Variants in MEI1 observed in about 807,000 individuals in gnomAD.
MEI1 encodes the protein meiosis inhibitor protein 1.
Under a neutral mutation model 146.2 loss-of-function variants are expected in MEI1, and 103 were observed. That is an observed-to-expected ratio of 0.70 (90% CI 0.60 to 0.83). MEI1 has a LOEUF of 0.83. Ranked by LOEUF, MEI1 falls within the 40% of genes least tolerant of loss-of-function variation. MEI1 has a pLI of 0.00. For synonymous variants in MEI1, 652 were observed against 628.2 expected, an observed-to-expected ratio of 1.04 and a Z score of -0.57; for missense variants, 1,529 against 1,533.0, an observed-to-expected ratio of 1.00 and a Z score of 0.04.
chr22:41,751,772 T>TAAAAA (rs35211694), intron 15 of MEI1, among the ~76,000 whole-genome samples: 1 of 119,422 alleles, frequency 8.4e-6, no homozygotes, highest in Admixed American at 9.2e-5. Flanking sequence ...AACTCCATCT[T>TAAAAA]AAAAAAAAAA....
In MEI1 at chr22:41,781,676, C is replaced by T. The variant is rs1275621810; in HGVS notation, c.2927-9C>T. ...CTCCTGTGGGCCCTGCCTTGCCCAC[C>T]CCCGACAGCTGCTGCAGTGCTCCTG... is the stretch of plus-strand genomic sequence containing the variant. On this transcript the variant is annotated splice_polypyrimidine_tract_variant and intron_variant, in intron 23 of 30. Transcript: ENST00000401548. 6.2e-7 allele frequency: 1 copy of T among 1,611,624 alleles called. No homozygotes were observed.
Position 41,717,680 on chromosome 22 carries a change from A to T in MEI1, c.530-391A>T, listed in dbSNP as rs193225973. ...GCCTAGGCTGGAGTGTGGTGGCATG[A>T]TCTCGGCTCACTGCAACCTCTGCCT... On this transcript the variant is annotated intron_variant, in intron 5 of 30. Coordinates refer to ENST00000401548, the MANE Select transcript of MEI1 (RefSeq NM_152513.4). Among the ~76,000 whole-genome samples, 220 of 142,608 alleles carry T rather than the reference A, an allele frequency of 1.5e-3. 1 individual carries two copies. Among genetic ancestry groups the T allele is most frequent in the African/African-American group, 5.8e-3 (217 of 37,374 alleles). 93.6% of individuals were successfully genotyped at this position (142,608 alleles called of 152,430 possible).
At chr22:41,777,479 C>T (rs182028545) in intron 21 of MEI1, among the ~76,000 whole-genome samples, 228 of 152,080 alleles carry the variant, frequency 1.5e-3, no homozygotes, top group African/African-American at 5.0e-3. Context: ...CTAAGCAAAG[C>T]GAAAGGCAAT....
intron 19 of MEI1, among the ~76,000 whole-genome samples, chr22:41,769,906 G>A (rs2075074643): frequency 1.3e-5 from 2 of 151,594 alleles, no homozygotes; most frequent in Admixed American, 6.6e-5. Context: ...AGGCCAAGGC[G>A]GGCAGATCAC....
At chr22:41,799,175 T>C in intron 30 of MEI1, 79 bp from the exon 31 acceptor site, 2 of 1,365,886 alleles carry the variant, frequency 1.5e-6, no homozygotes, top group Non-Finnish European at 2.1e-6. Flanking sequence ...CATTCTTGAC[T>C]GTTTTGGGCT....
chr22:41,767,184 G>A (rs913255522), intron 19 of MEI1, among the ~76,000 whole-genome samples: 4 of 152,184 alleles, frequency 2.6e-5, no homozygotes, highest in African/African-American at 9.7e-5. Flanking sequence ...TGTCTCTGAT[G>A]TCACCTTCTT....
At chr22:41,768,735 A>G (rs1217203062) in intron 19 of MEI1, among the ~76,000 whole-genome samples, 1 of 152,094 alleles carries the variant, frequency 6.6e-6, no homozygotes, top group Admixed American at 6.6e-5. Flanking sequence ...GCTCATGAGA[A>G]TTCACTCAGT....
chr22:41,769,379 G>C (rs967257128), intron 19 of MEI1, among the ~76,000 whole-genome samples: 1 of 151,984 alleles, frequency 6.6e-6, no homozygotes, highest in Non-Finnish European at 1.5e-5. Context: ...AATGAAGTTG[G>C]ACTCTTAACT....
chr22:41,765,977 G>A (rs1377148854), intron 19 of MEI1, among the ~76,000 whole-genome samples: 2 of 136,024 alleles, frequency 1.5e-5, no homozygotes, highest in Non-Finnish European at 3.1e-5. Flanking sequence ...TGCAACCTCC[G>A]CCTCCCGGGT....
chr22:41,754,504 G>A (rs754627022), intron 17 of MEI1, among the ~76,000 whole-genome samples: 1 of 152,052 alleles, frequency 6.6e-6, no homozygotes, highest in Non-Finnish European at 1.5e-5. Context: ...CATGATCTCA[G>A]CTCACTGCAA....
intron 20 of MEI1, among the ~76,000 whole-genome samples, chr22:41,773,692 G>A (rs2148073242): frequency 6.6e-6 from 1 of 152,056 alleles, no homozygotes; most frequent in African/African-American, 2.4e-5. Context: ...TGGTCAACAT[G>A]GTGAAACCCT....
intron 19 of MEI1, among the ~76,000 whole-genome samples, chr22:41,769,934 A>C (rs1250172865): frequency 2.0e-5 from 3 of 151,488 alleles, no homozygotes; most frequent in Admixed American, 6.6e-5. Flanking sequence ...CAGGGGTTTG[A>C]AACCAGCCTG....
intron 24 of MEI1, 112 bp from the exon 25 acceptor site, chr22:41,784,227 T>G: frequency 2.2e-6 from 2 of 910,728 alleles, no homozygotes; most frequent in Non-Finnish European, 1.7e-6. Context: ...TCCGTCCCCT[T>G]TTGATGCAGT....
At position 41,770,700 on chromosome 22, in the gene MEI1, A is replaced by G; in HGVS notation, c.2283A>G (p.Ala761=). 3 of 1,613,856 alleles carry G rather than the reference A, an allele frequency of 1.9e-6. No homozygotes were observed. Among genetic ancestry groups the G allele is most frequent in the Non-Finnish European group, 2.5e-6 (3 of 1,179,848 alleles). ...TTTGCCTCCAGACTATGGTCAGTGCAATCAGAAAATTCCTAGAAGGCATCC... is the reference window on the plus strand; with the variant it reads ...TTTGCCTCCAGACTATGGTCAGTGCGATCAGAAAATTCCTAGAAGGCATCC... The part of the protein sequence containing the change: ...DNTLRETMVS[A]IRKFLEGIPD... The change falls in exon 20 of 31, where the codon GCA becomes GCG. Residue 761 remains alanine (A), a synonymous_variant. Coordinates refer to ENST00000401548, the MANE Select transcript of MEI1 (RefSeq NM_152513.4).
At chr22:41,724,674 C>G (rs1287570582) in intron 7 of MEI1, among the ~76,000 whole-genome samples, 1 of 151,856 alleles carries the variant, frequency 6.6e-6, no homozygotes, top group African/African-American at 2.4e-5. Flanking sequence ...ACCTGTAATC[C>G]CAGCTACTCA....
intron 18 of MEI1, among the ~76,000 whole-genome samples, chr22:41,762,460 A>C (rs1041097129): frequency 2.6e-5 from 4 of 151,582 alleles, no homozygotes; most frequent in Admixed American, 6.6e-5. Flanking sequence ...CTGCAGCCTC[A>C]ACCTCCTGGG....
At chr22:41,741,564 C>T (rs945289748) in intron 11 of MEI1, among the ~76,000 whole-genome samples, 1 of 152,248 alleles carries the variant, frequency 6.6e-6, no homozygotes, top group African/African-American at 2.4e-5. Flanking sequence ...ACCCCACACT[C>T]ATAATGATTG....
chr22:41,721,843 C>G (rs1329497503), intron 6 of MEI1, among the ~76,000 whole-genome samples: 1 of 149,882 alleles, frequency 6.7e-6, no homozygotes. Context: ...GCCACAGCCT[C>G]CCGAGTAGCT....
At chr22:41,778,626 GCCA>G in intron 21 of MEI1, 79 bp from the exon 22 acceptor site, 1 of 1,031,816 alleles carries the variant, frequency 9.7e-7, no homozygotes, top group Non-Finnish European at 1.5e-6. Flanking sequence ...GTTATTAAGG[GCCA>G]TTGAAGCAGG....
Sources: gnomAD v4.1 joint callset for allele counts (sites outside exome capture counted in the v4.1 genomes callset) on GRCh38, gnomAD v4.1.1 for gene constraint, MANE v1.5 for transcripts, NCBI Gene and HGNC (gene_info 2026-07-23, HGNC 2026-07-21) for gene names.